Variants in ZNF140 observed in about 807,000 individuals in gnomAD.
ZNF140 encodes zinc finger protein 140 (clone pHZ-39).
In ZNF140, 13 loss-of-function variants were observed where a neutral mutation model predicts 12.9. That is an observed-to-expected ratio of 1.01 (90% CI 0.66 to 1.60). ZNF140 has a LOEUF of 1.60. ZNF140 is among the 40% of genes most tolerant of loss of function. The pLI is 0.00. For synonymous variants in ZNF140, 214 were observed against 186.7 expected (o/e 1.15, Z -1.19); for missense variants, 531 against 548.8 (o/e 0.97, Z 0.32).
At position 133,106,710 on chromosome 12, in the gene ZNF140, CCTTA is replaced by C. The variant is rs1428141949; in HGVS notation, c.*63_*66del. 2.8e-6 allele frequency: 4 copies of C among 1,408,630 alleles called. No individual in the cohort carries two copies. The highest frequency in any genetic ancestry group is 1.8e-4 in the Middle Eastern group (1 of 5,436). The allele number at this position is 1,408,630 out of a possible 1,614,324, so 87.3% of individuals were successfully genotyped here. A position where few individuals can be genotyped will look rare whatever the true frequency, so the allele number is the denominator to read the frequency against. On this transcript the variant is annotated 3_prime_UTR_variant, in exon 5 of 5. Transcript: ENST00000355557. ...GAATTTTTTAAAAAGAAGTATAATG[CCTTA>C]CTTCAGAGAACTCTTGGAAAGAAGC... is the stretch of plus-strand genomic sequence containing the variant.
At chr12:133,092,317 C>T (rs1954922137) in intron 4 of ZNF140, among the ~76,000 whole-genome samples, 1 of 151,106 alleles carries the variant, frequency 6.6e-6, no homozygotes, top group Admixed American at 6.6e-5. Flanking sequence ...CTCTTGCCCT[C>T]ACTAACAGAA....
At chr12:133,085,147 C>T (rs1954634559) in intron 4 of ZNF140, among the ~76,000 whole-genome samples, 1 of 152,120 alleles carries the variant, frequency 6.6e-6, no homozygotes, top group Non-Finnish European at 1.5e-5. Flanking sequence ...GCTTCAGCCC[C>T]CTGAGTAACT....
intron 4 of ZNF140, chr12:133,084,231 T>G (rs1477013326): frequency 2.5e-5 from 10 of 393,118 alleles, no homozygotes; most frequent in African/African-American, 2.2e-4. Flanking sequence ...GAATTCAACC[T>G]GAGAAAGAAA....
intron 4 of ZNF140, among the ~76,000 whole-genome samples, chr12:133,098,970 G>C (rs1955233584): frequency 6.6e-6 from 1 of 152,022 alleles, no homozygotes; most frequent in African/African-American, 2.4e-5. Context: ...CCGCCTCCTG[G>C]GTTTAAGCGA....
chr12:133,096,868 G>A (rs1436965845), intron 4 of ZNF140, among the ~76,000 whole-genome samples: 1 of 152,234 alleles, frequency 6.6e-6, no homozygotes, highest in Non-Finnish European at 1.5e-5. Flanking sequence ...ACTGATATCA[G>A]TTGATTGATG....
At chr12:133,082,465 A>G (rs1954535212) in intron 2 of ZNF140, 1 of 152,384 alleles carries the variant, frequency 6.6e-6, no homozygotes, top group Non-Finnish European at 1.5e-5. Flanking sequence ...GCTGCAAAGC[A>G]AGGGCTTATA....
At chr12:133,091,398 G>C (rs1347471863) in intron 4 of ZNF140, among the ~76,000 whole-genome samples, 1 of 151,292 alleles carries the variant, frequency 6.6e-6, no homozygotes, top group Non-Finnish European at 1.5e-5. Flanking sequence ...TCCAGGTTGG[G>C]TCAAAGTGGC....
At chr12:133,101,306 T>C (rs1422877695) in intron 4 of ZNF140, among the ~76,000 whole-genome samples, 1 of 152,208 alleles carries the variant, frequency 6.6e-6, no homozygotes, top group Non-Finnish European at 1.5e-5. Flanking sequence ...TATTACATCA[T>C]TTGTAGTTGT....
In ZNF140 at chr12:133,095,376, G is replaced by A. The variant is rs1365701440; in HGVS notation, c.233-10134G>A. ...GCACAAGCTTACCGCAAGGCTGACT[G>A]TGGATGTACTTGGGAATCTCTCGTC... On this transcript the variant is annotated intron_variant, in intron 4 of 4. Coordinates refer to ENST00000355557, the MANE Select transcript of ZNF140 (RefSeq NM_003440.4). Among the ~76,000 whole-genome samples, 7 of 150,892 alleles carry A rather than the reference G, an allele frequency of 4.6e-5. 1 individual carries two copies. The highest frequency in any genetic ancestry group is 1.7e-4 in the African/African-American group (7 of 40,628).
intron 4 of ZNF140, among the ~76,000 whole-genome samples, chr12:133,090,836 G>A (rs368621912): frequency 1.9e-4 from 24 of 128,342 alleles, no homozygotes; most frequent in East Asian, 7.9e-4. Context: ...TTTAAGGGAA[G>A]GTACTATGCC....
At chr12:133,092,891 T>G (rs1954941204) in intron 4 of ZNF140, among the ~76,000 whole-genome samples, 1 of 151,242 alleles carries the variant, frequency 6.6e-6, no homozygotes, top group Non-Finnish European at 1.5e-5. Flanking sequence ...AACTAAGACT[T>G]CTGGGTCTTT....
In ZNF140 at chr12:133,083,089, G is replaced by C; in HGVS notation, c.10-14G>C. The C allele has an allele frequency of 3.1e-6, 5 of 1,614,136 alleles. No homozygotes were observed. Among genetic ancestry groups the C allele is most frequent in the Middle Eastern group, 3.3e-4 (2 of 6,062 alleles). On this transcript the variant is annotated splice_polypyrimidine_tract_variant and intron_variant, in intron 2 of 4. Coordinates refer to ENST00000355557, the MANE Select transcript of ZNF140 (RefSeq NM_003440.4). ...ATGCGTGCTGGTCATGCAAATATCT[G>C]TCCGTCATTTCAGGGGTCAGTGACA...
At chr12:133,098,107 T>C (rs2137552892) in intron 4 of ZNF140, among the ~76,000 whole-genome samples, 1 of 152,254 alleles carries the variant, frequency 6.6e-6, no homozygotes, top group Non-Finnish European at 1.5e-5. Flanking sequence ...GTGCTGGGAT[T>C]ACAGGCGTGA....
At position 133,105,873 on chromosome 12, in the gene ZNF140, G is replaced by C. The variant is rs868801996; in HGVS notation, c.596G>C (p.Ser199Thr). Residue 199 changes from serine to threonine, a missense_variant, in exon 5 of 5, where the codon AGC becomes ACC. By Grantham distance (58) the Ser-to-Thr change is moderately conservative. Coordinates refer to ENST00000355557, the MANE Select transcript of ZNF140 (RefSeq NM_003440.4). Reference sequence around the variant, plus strand: ...TGTAAGGAATGTGGCAAAACCTTTAGCCAGATTTCAAACCTTGTGAAACAC... The same window carrying C: ...TGTAAGGAATGTGGCAAAACCTTTACCCAGATTTCAAACCTTGTGAAACAC... ...YACKECGKTF[S>T]QISNLVKHQM... 1 of 1,614,116 alleles carries C rather than the reference G, an allele frequency of 6.2e-7. No homozygotes were observed. Among genetic ancestry groups the C allele is most frequent in the Middle Eastern group, 1.7e-4 (1 of 6,060 alleles).
intron 4 of ZNF140, among the ~76,000 whole-genome samples, chr12:133,090,473 TTCC>T (rs1479840969): frequency 6.6e-6 from 1 of 152,190 alleles, no homozygotes; most frequent in Non-Finnish European, 1.5e-5. Context: ...TCTTTTCTTC[TTCC>T]TTTGAATTTA....
intron 4 of ZNF140, chr12:133,101,058 GGTTT>G (rs1360330285): frequency 2.4e-6 from 1 of 414,940 alleles, no homozygotes; most frequent in Non-Finnish European, 4.7e-6. Flanking sequence ...TTATAGGTAA[GGTTT>G]TTTTCCTTTG....
At chr12:133,096,411 G>T (rs895752942) in intron 4 of ZNF140, among the ~76,000 whole-genome samples, 1 of 152,134 alleles carries the variant, frequency 6.6e-6, no homozygotes, top group African/African-American at 2.4e-5. Context: ...TTTCAAAATG[G>T]AGTCTCTTAT....
chr12:133,082,748 C>A, intron 2 of ZNF140: 1 of 171,952 alleles, frequency 5.8e-6, no homozygotes, highest in Non-Finnish European at 1.3e-5. Context: ...TTAAAATAGG[C>A]TGGTATTAAG....
intron 4 of ZNF140, chr12:133,100,902 C>T (rs1198698851): frequency 1.7e-5 from 7 of 423,510 alleles, no homozygotes; most frequent in East Asian, 7.2e-5. Flanking sequence ...TGGTGCGAGA[C>T]GTCACACTAC....
Sources: gnomAD v4.1 joint callset for allele counts (sites outside exome capture counted in the v4.1 genomes callset) on GRCh38, gnomAD v4.1.1 for gene constraint, MANE v1.5 for transcripts, NCBI Gene and HGNC (gene_info 2026-07-23, HGNC 2026-07-21) for gene names.